NT5DC1: variants seen among roughly 807,000 people sequenced by gnomAD.
NT5DC1 encodes the protein 5'-nucleotidase domain-containing protein 1.
In NT5DC1, 42 loss-of-function variants were observed where a neutral mutation model predicts 59.4. The ratio of observed to expected loss-of-function variants is 0.71; its 90% CI spans 0.55 to 0.92. The LOEUF (loss-of-function observed/expected upper bound fraction) is 0.92, where lower values mean the gene tolerates loss of function less well. Among genes scored for constraint, NT5DC1 ranks in the 40% least tolerant of loss-of-function variants. The probability of loss-of-function intolerance (pLI) is 0.00; values close to 1 mark genes in which losing one functional copy is unlikely to be tolerated. For synonymous variants in NT5DC1, 172 were observed against 188.1 expected, an observed-to-expected ratio of 0.91 and a Z score of 0.70; for missense variants, 501 against 537.1, an observed-to-expected ratio of 0.93 and a Z score of 0.66.
rs150440478 is a variant in NT5DC1, at chr6:116,120,122, G to C, written c.529+2177G>C. ...TGAGAAAGAGGAGTGGACATACTCA[G>C]AGGAGTATAGGCCATTTGACTCGGC... is the stretch of plus-strand genomic sequence containing the variant. On this transcript the variant is annotated intron_variant, in intron 6 of 11. Coordinates refer to ENST00000319550, the MANE Select transcript of NT5DC1 (RefSeq NM_152729.3). 4 of 1,614,158 alleles carry C rather than the reference G, an allele frequency of 2.5e-6. No homozygotes were observed. The South Asian group carries it at 4.4e-5, about 18-fold the overall frequency.
chr6:116,150,136 G>A (rs1780001285), intron 6 of NT5DC1, among the ~76,000 whole-genome samples: 1 of 152,112 alleles, frequency 6.6e-6, no homozygotes, highest in Admixed American at 6.5e-5. Context: ...GCAATGAGAG[G>A]CCAAGTCTTG....
At chr6:116,190,570 G>A (rs145989822) in intron 6 of NT5DC1, among the ~76,000 whole-genome samples, 450 of 152,062 alleles carry the variant, frequency 3.0e-3, no homozygotes, top group Non-Finnish European at 4.5e-3. Flanking sequence ...AAATTAAATT[G>A]AGAGGGAAAA....
intron 6 of NT5DC1, among the ~76,000 whole-genome samples, chr6:116,129,762 A>C (rs1779417377): frequency 6.6e-6 from 1 of 152,142 alleles, no homozygotes; most frequent in East Asian, 1.9e-4. Context: ...GTCTTGTGTC[A>C]CTTTTTACTC....
intron 2 of NT5DC1, among the ~76,000 whole-genome samples, chr6:116,107,250 G>C (rs1243830916): frequency 6.8e-6 from 1 of 146,786 alleles, no homozygotes; most frequent in Non-Finnish European, 1.5e-5. Context: ...GCATTCTTTT[G>C]ATATTTTGTT....
chr6:116,185,893 A>G (rs1199661751), intron 6 of NT5DC1, among the ~76,000 whole-genome samples: 2 of 152,034 alleles, frequency 1.3e-5, no homozygotes, highest in Non-Finnish European at 2.9e-5. Flanking sequence ...GTAGCATACT[A>G]TTCTATTCAT....
At chr6:116,131,911 T>A (rs182235169) in intron 6 of NT5DC1, among the ~76,000 whole-genome samples, 1 of 152,268 alleles carries the variant, frequency 6.6e-6, no homozygotes, top group Admixed American at 6.5e-5. Context: ...TACTTATAAG[T>A]GAGAACATGC....
At chr6:116,135,758 A>T (rs566835472) in intron 6 of NT5DC1, among the ~76,000 whole-genome samples, 16 of 148,392 alleles carry the variant, frequency 1.1e-4, no homozygotes, top group African/African-American at 1.7e-4. Flanking sequence ...AGCTTAAAAA[A>T]TTTTTTTTCT....
In NT5DC1 at chr6:116,216,470, A is replaced by G. The variant is rs117803349; in HGVS notation, c.530-4584A>G. Among the ~76,000 whole-genome samples the G allele has an allele frequency of 6.2e-3, 948 of 151,740 alleles. 5 individuals carry two copies. The highest frequency in any genetic ancestry group is 8.8e-3 in the Non-Finnish European group (599 of 67,922). The stretch of plus-strand genomic sequence containing the variant: ...TTTTTGGAGTAGGGCCGGGATATGC[A>G]AATTAAATTACAGATCTGGAAATCA... On this transcript the variant is annotated intron_variant, in intron 6 of 11. Transcript: ENST00000319550.
intron 6 of NT5DC1, among the ~76,000 whole-genome samples, chr6:116,164,189 G>A (rs1351218662): frequency 3.3e-5 from 5 of 152,108 alleles, no homozygotes; most frequent in South Asian, 2.1e-4. Context: ...CTGGGATGTC[G>A]AAGTTTCCCA....
intron 6 of NT5DC1, among the ~76,000 whole-genome samples, chr6:116,178,905 A>G (rs182812462): frequency 6.6e-6 from 1 of 152,300 alleles, no homozygotes; most frequent in Admixed American, 6.5e-5. Flanking sequence ...CTCGATATGC[A>G]TTTCCAGCCC....
intron 1 of NT5DC1, among the ~76,000 whole-genome samples, chr6:116,101,268 C>T (rs568064577): frequency 1.3e-5 from 2 of 152,098 alleles, no homozygotes; most frequent in African/African-American, 4.8e-5. Context: ...TAGGGAAGAA[C>T]GAAGGAGGGG....
At chr6:116,147,309 G>A (rs377363584) in intron 6 of NT5DC1, among the ~76,000 whole-genome samples, 36 of 152,126 alleles carry the variant, frequency 2.4e-4, no homozygotes, top group African/African-American at 7.2e-4. Flanking sequence ...GGGCGTGGTG[G>A]CATCTACCTG....
chr6:116,117,192 TA>T (rs901107321), intron 5 of NT5DC1, among the ~76,000 whole-genome samples: 1 of 152,206 alleles, frequency 6.6e-6, no homozygotes, highest in African/African-American at 2.4e-5. Flanking sequence ...AGAAATTATA[TA>T]ACACTATGAA....
At chr6:116,164,880 G>A (rs1053160973) in intron 6 of NT5DC1, among the ~76,000 whole-genome samples, 2 of 151,924 alleles carry the variant, frequency 1.3e-5, no homozygotes, top group East Asian at 1.9e-4. Context: ...TCAGGAGATC[G>A]AGACCATCCT....
chr6:116,219,243 G>A (rs1428050387), intron 6 of NT5DC1, among the ~76,000 whole-genome samples: 1 of 152,114 alleles, frequency 6.6e-6, no homozygotes, highest in Non-Finnish European at 1.5e-5. Flanking sequence ...GCCATCTCTG[G>A]TATATCAGAC....
chr6:116,120,285 A>C, intron 6 of NT5DC1: 1 of 1,614,246 alleles, frequency 6.2e-7, no homozygotes, highest in Non-Finnish European at 8.5e-7. Context: ...AGGCCTACCC[A>C]AACATGAGTC....
chr6:116,112,772 A>G (rs1189807088), intron 4 of NT5DC1, among the ~76,000 whole-genome samples: 1 of 152,280 alleles, frequency 6.6e-6, no homozygotes, highest in Non-Finnish European at 1.5e-5. Flanking sequence ...ATAAACTCCT[A>G]GAAGTATACT....
chr6:116,130,156 C>G (rs1403387490), intron 6 of NT5DC1, among the ~76,000 whole-genome samples: 2 of 152,024 alleles, frequency 1.3e-5, no homozygotes, highest in Admixed American at 1.3e-4. Context: ...AAGAAAAACA[C>G]CCCTTCATCA....
intron 6 of NT5DC1, among the ~76,000 whole-genome samples, chr6:116,146,735 T>C (rs1424502689): frequency 1.3e-5 from 2 of 152,016 alleles, no homozygotes; most frequent in African/African-American, 4.8e-5. Flanking sequence ...TCAAACTGAA[T>C]AGAAAGTTCA....
Sources: allele counts gnomAD v4.1 joint callset (sites outside exome capture counted in the v4.1 genomes callset), GRCh38; gene constraint gnomAD v4.1.1; transcripts MANE v1.5; gene names NCBI Gene and HGNC (gene_info 2026-07-23, HGNC 2026-07-21).